Variants in RALGPS2 observed in about 807,000 individuals in gnomAD.
RALGPS2 encodes ras-specific guanine nucleotide-releasing factor RalGPS2.
In RALGPS2, 43 loss-of-function variants were observed where a neutral mutation model predicts 86.8. That is an observed-to-expected ratio of 0.50 (90% CI 0.39 to 0.64). The LOEUF is 0.64. Ranked by LOEUF, RALGPS2 falls within the 30% of genes least tolerant of loss-of-function variation. The pLI is 0.00. For missense variants in RALGPS2, 536 were observed against 694.6 expected (o/e 0.77, Z 2.57); for synonymous variants, 243 against 231.3 (o/e 1.05, Z -0.46).
chr1:178,844,791 T>C (rs1656786179), intron 8 of RALGPS2, among the ~76,000 whole-genome samples: 1 of 152,164 alleles, frequency 6.6e-6, no homozygotes, highest in Admixed American at 6.5e-5. Flanking sequence ...AAAAAATAAT[T>C]TAGTTATATG....
At chr1:178,913,827 C>T (rs1660712101) in intron 19 of RALGPS2, among the ~76,000 whole-genome samples, 1 of 151,832 alleles carries the variant, frequency 6.6e-6, no homozygotes. Flanking sequence ...TTCCTCTGGC[C>T]TCTTGAGGTC....
intron 4 of RALGPS2, among the ~76,000 whole-genome samples, chr1:178,786,356 T>C (rs1448769850): frequency 6.6e-6 from 1 of 152,076 alleles, no homozygotes; most frequent in Non-Finnish European, 1.5e-5. Context: ...CACCACTAAC[T>C]CTAGTAATCT....
intron 4 of RALGPS2, among the ~76,000 whole-genome samples, chr1:178,797,163 G>T (rs935952609): frequency 6.6e-6 from 1 of 152,106 alleles, no homozygotes; most frequent in African/African-American, 2.4e-5. Context: ...AGATATTTTA[G>T]TATAGACTAA....
At chr1:178,915,413 TC>T (rs1360388574) in intron 19 of RALGPS2, among the ~76,000 whole-genome samples, 1 of 152,118 alleles carries the variant, frequency 6.6e-6, no homozygotes, top group African/African-American at 2.4e-5. Context: ...TTTTGTATTT[TC>T]AGTAGAGATG....
At chr1:178,910,837 T>C (rs1660594820) in intron 19 of RALGPS2, among the ~76,000 whole-genome samples, 1 of 152,182 alleles carries the variant, frequency 6.6e-6, no homozygotes, top group South Asian at 2.1e-4. Flanking sequence ...GTAGGATTGG[T>C]ACTAGCTCTT....
At chr1:178,911,375 A>G (rs1045401746) in intron 19 of RALGPS2, among the ~76,000 whole-genome samples, 2 of 151,548 alleles carry the variant, frequency 1.3e-5, no homozygotes, top group African/African-American at 4.8e-5. Flanking sequence ...GCTCTTTCTA[A>G]CTTCTTGACA....
At chr1:178,727,526 A>C (rs1650094319) in intron 1 of RALGPS2, among the ~76,000 whole-genome samples, 1 of 152,250 alleles carries the variant, frequency 6.6e-6, no homozygotes, top group Admixed American at 6.5e-5. Context: ...ATTTATTAGT[A>C]ATACTAGAAA....
intron 2 of RALGPS2, among the ~76,000 whole-genome samples, chr1:178,782,986 C>T (rs191276398): frequency 7.9e-5 from 12 of 152,112 alleles, no homozygotes; most frequent in Admixed American, 5.2e-4. Context: ...AAGGAAAAAA[C>T]ACAATTTGAA....
intron 7 of RALGPS2, among the ~76,000 whole-genome samples, chr1:178,828,314 C>G (rs1014333889): frequency 6.6e-6 from 1 of 152,182 alleles, no homozygotes; most frequent in Non-Finnish European, 1.5e-5. Context: ...TGTAATCACA[C>G]AAACCTAGAT....
chr1:178,767,500 T>G (rs1652565800), intron 1 of RALGPS2, among the ~76,000 whole-genome samples: 1 of 152,054 alleles, frequency 6.6e-6, no homozygotes, highest in African/African-American at 2.4e-5. Context: ...GTTTACTGTC[T>G]CTATGCCTGC....
intron 8 of RALGPS2, among the ~76,000 whole-genome samples, chr1:178,864,269 A>G (rs1045002069): frequency 6.6e-6 from 1 of 152,152 alleles, no homozygotes; most frequent in African/African-American, 2.4e-5. Context: ...TGCATGATCA[A>G]TGCAATAGTT....
intron 13 of RALGPS2, among the ~76,000 whole-genome samples, chr1:178,887,149 A>G (rs1406216165): frequency 6.6e-6 from 1 of 152,198 alleles, no homozygotes; most frequent in Non-Finnish European, 1.5e-5. Flanking sequence ...ATTTCTTGTT[A>G]CAATTAGAAA....
chr1:178,871,004 T>C (rs1236067121), intron 8 of RALGPS2: 1 of 152,218 alleles, frequency 6.6e-6, no homozygotes, highest in Non-Finnish European at 1.5e-5. Flanking sequence ...AGAGAAAGCG[T>C]TGTGGCTTTG....
chr1:178,884,257 C>G lies in RALGPS2; in HGVS notation c.904+724C>G, dbSNP rs142351109. Among the ~76,000 whole-genome samples the G allele has an allele frequency of 4.3e-4, 65 of 151,800 alleles. No homozygotes were observed. In the East Asian group the frequency reaches 0.011, roughly 26 times the overall value. ...TCAAATGTTCACTTTAATACTAGAC[C>G]AAGTATTAAAAATGTAAAAATCATA... On this transcript the variant is annotated intron_variant, in intron 11 of 19. Transcript: ENST00000367635.
At chr1:178,892,721 C>T (rs1306343751) in intron 15 of RALGPS2, among the ~76,000 whole-genome samples, 1 of 152,002 alleles carries the variant, frequency 6.6e-6, no homozygotes, top group Non-Finnish European at 1.5e-5. Context: ...ACTACAGGTC[C>T]TGAATGTAGA....
intron 8 of RALGPS2, among the ~76,000 whole-genome samples, chr1:178,843,883 T>C (rs1281052348): frequency 1.3e-5 from 2 of 152,166 alleles, no homozygotes; most frequent in Admixed American, 6.5e-5. Flanking sequence ...AGATGAGTTT[T>C]TATGACTCAG....
At chr1:178,907,856 A>G (rs1367666074) in intron 19 of RALGPS2, among the ~76,000 whole-genome samples, 2 of 152,186 alleles carry the variant, frequency 1.3e-5, no homozygotes, top group Non-Finnish European at 2.9e-5. Context: ...AAGGCTCCAT[A>G]ATACAAAATG....
At position 178,776,721 on chromosome 1, in the gene RALGPS2, CCT is replaced by C. The variant is rs1205797569; in HGVS notation, c.-41_-40del. The C allele has an allele frequency of 1.3e-6, 2 of 1,496,130 alleles. No individual in the cohort carries two copies. Among genetic ancestry groups the C allele is most frequent in the Non-Finnish European group, 1.8e-6 (2 of 1,087,214 alleles). The allele number at this position is 1,496,130 out of a possible 1,614,324, so 92.7% of individuals were successfully genotyped here. A position where few individuals can be genotyped will look rare whatever the true frequency, so the allele number is the denominator to read the frequency against. ...TGGCCTTGGACATGAGGCAGTCAGT[CCT>C]CTGTTGCTGTTAACATAAGGTCAGG... On this transcript the variant is annotated 5_prime_UTR_variant, in exon 2 of 20. The change abolishes the stop of an existing upstream ORF in the 5' untranslated region. Transcript: ENST00000367635.
Position 178,857,726 on chromosome 1 carries a change from CATTT to C in RALGPS2, c.608-19771_608-19768del, listed in dbSNP as rs757934007. Among the ~76,000 whole-genome samples, 7 of 152,070 alleles carry C rather than the reference CATTT, an allele frequency of 4.6e-5. No homozygotes were observed. In the South Asian group the frequency reaches 6.2e-4, roughly 13 times the overall value. On this transcript the variant is annotated intron_variant, in intron 8 of 19. Transcript: ENST00000367635. The stretch of plus-strand genomic sequence containing the variant: ...TTTTCGTAAATGTTTACTCTGCATT[CATTT>C]GAGTATAGTTTTGACAGTTTACATT...
Sources: allele counts gnomAD v4.1 joint callset (sites outside exome capture counted in the v4.1 genomes callset), GRCh38; gene constraint gnomAD v4.1.1; transcripts MANE v1.5; gene names NCBI Gene and HGNC (gene_info 2026-07-23, HGNC 2026-07-21).